NTM: variants seen among roughly 807,000 people sequenced by gnomAD.
NTM encodes neurotrimin.
Under a neutral mutation model 42.1 loss-of-function variants are expected in NTM, and 13 were observed. The ratio of observed to expected loss-of-function variants is 0.31; its 90% CI spans 0.20 to 0.49. NTM has a LOEUF of 0.49. NTM is among the 20% of genes least tolerant of loss of function. The probability of loss-of-function intolerance (pLI) is 0.99; values close to 1 mark genes in which losing one functional copy is unlikely to be tolerated. For missense variants in NTM, 373 were observed against 452.8 expected (o/e 0.82, Z 1.60); for synonymous variants, 187 against 179.2 (o/e 1.04, Z -0.35).
At chr11:131,502,274 C>CGA (rs1491158026) in intron 1 of NTM, among the ~76,000 whole-genome samples, 15 of 151,754 alleles carry the variant, frequency 9.9e-5, no homozygotes, top group East Asian at 7.8e-4. Flanking sequence ...GAAGGAGCCT[C>CGA]GAGAGAGAGA....
At chr11:131,687,231 G>T (rs1592554076) in intron 1 of NTM, among the ~76,000 whole-genome samples, 1 of 152,226 alleles carries the variant, frequency 6.6e-6, no homozygotes, top group Admixed American at 6.5e-5. Flanking sequence ...TGCATGAAAC[G>T]TGACAACACC....
At chr11:131,806,456 C>A (rs946306312) in intron 1 of NTM, among the ~76,000 whole-genome samples, 6 of 152,048 alleles carry the variant, frequency 3.9e-5, no homozygotes, top group African/African-American at 1.2e-4. Context: ...TCCCTGAAGC[C>A]TAGTAGAGTG....
chr11:131,574,925 G>C (rs1223669991), intron 1 of NTM, among the ~76,000 whole-genome samples: 1 of 152,066 alleles, frequency 6.6e-6, no homozygotes, highest in Non-Finnish European at 1.5e-5. Context: ...CAATCCTCCT[G>C]ATTTGCTTCT....
intron 6 of NTM, chr11:132,312,873 C>A (rs1478087847): frequency 6.5e-6 from 1 of 153,032 alleles, no homozygotes; most frequent in Non-Finnish European, 1.5e-5. Flanking sequence ...CAGCCGGATG[C>A]CTCATTCCAT....
chr11:131,755,678 G>A (rs1407714886), intron 1 of NTM, among the ~76,000 whole-genome samples: 1 of 152,138 alleles, frequency 6.6e-6, no homozygotes, highest in Non-Finnish European at 1.5e-5. Context: ...TTCATGTGTG[G>A]AAGGATTTTC....
intron 1 of NTM, among the ~76,000 whole-genome samples, chr11:131,583,553 T>C (rs2058601775): frequency 6.6e-6 from 1 of 152,184 alleles, no homozygotes; most frequent in South Asian, 2.1e-4. Context: ...TAATCGCGCC[T>C]TACCTTCAGA....
At chr11:131,556,109 C>T (rs755193653) in intron 1 of NTM, among the ~76,000 whole-genome samples, 3 of 151,896 alleles carry the variant, frequency 2.0e-5, no homozygotes, top group South Asian at 2.1e-4. Context: ...CCCTTGGAAC[C>T]GAAGACAGAC....
intron 1 of NTM, among the ~76,000 whole-genome samples, chr11:131,433,118 A>G (rs940953529): frequency 6.6e-6 from 1 of 151,902 alleles, no homozygotes; most frequent in African/African-American, 2.4e-5. Flanking sequence ...CGGCCTCCCA[A>G]AGTGCTGGGA....
At chr11:132,009,167 C>A (rs1445174806) in intron 2 of NTM, among the ~76,000 whole-genome samples, 1 of 152,214 alleles carries the variant, frequency 6.6e-6, no homozygotes, top group Non-Finnish European at 1.5e-5. Context: ...CAATTGGAAA[C>A]CTGCTTTTCT....
chr11:131,952,604 CTG>C (rs1486073391), intron 2 of NTM, among the ~76,000 whole-genome samples: 2 of 152,168 alleles, frequency 1.3e-5, no homozygotes, highest in Non-Finnish European at 2.9e-5. Flanking sequence ...TTTCTATCAA[CTG>C]TGGATACGCA....
chr11:131,843,219 T>C (rs2044494827), intron 1 of NTM, among the ~76,000 whole-genome samples: 1 of 152,146 alleles, frequency 6.6e-6, no homozygotes, highest in South Asian at 2.1e-4. Context: ...TGTTTATTCT[T>C]CTCTAAATCC....
At chr11:131,667,885 C>T (rs2069362322) in intron 1 of NTM, among the ~76,000 whole-genome samples, 1 of 152,220 alleles carries the variant, frequency 6.6e-6, no homozygotes. Flanking sequence ...TGCCTGGAGA[C>T]ACCCTCTCTT....
chr11:131,934,118 C>T (rs185571800), intron 2 of NTM, among the ~76,000 whole-genome samples: 4 of 152,120 alleles, frequency 2.6e-5, no homozygotes, highest in East Asian at 1.9e-4. Context: ...ACCATGTGCA[C>T]GGGGTATACA....
chr11:132,310,774 T>G (rs2095256679), intron 6 of NTM, among the ~76,000 whole-genome samples: 1 of 152,166 alleles, frequency 6.6e-6, no homozygotes, highest in South Asian at 2.1e-4. Context: ...GAAGGGACTA[T>G]TCCCTTCCTT....
At chr11:131,805,647 A>G (rs986059021) in intron 1 of NTM, among the ~76,000 whole-genome samples, 9 of 152,220 alleles carry the variant, frequency 5.9e-5, no homozygotes, top group Non-Finnish European at 1.0e-4. Context: ...ATGATCAATA[A>G]TGTTAATTCA....
chr11:131,857,563 C>T (rs537034156), intron 1 of NTM, among the ~76,000 whole-genome samples: 4 of 152,274 alleles, frequency 2.6e-5, no homozygotes, highest in African/African-American at 7.2e-5. Flanking sequence ...CGTGTTCACA[C>T]GTCTTTTCCT....
intron 1 of NTM, among the ~76,000 whole-genome samples, chr11:131,585,780 TTC>T (rs1376679445): frequency 6.6e-6 from 1 of 152,188 alleles, no homozygotes; most frequent in African/African-American, 2.4e-5. Flanking sequence ...TATTTTTTGC[TTC>T]TCTGTTTCAG....
chr11:131,673,583 A>C (rs928569016), intron 1 of NTM, among the ~76,000 whole-genome samples: 1 of 152,218 alleles, frequency 6.6e-6, no homozygotes, highest in African/African-American at 2.4e-5. Context: ...GACGTGATAC[A>C]GTTAGCGGGT....
intron 2 of NTM, among the ~76,000 whole-genome samples, chr11:131,984,060 CA>C (rs1565882760): frequency 6.6e-6 from 1 of 152,164 alleles, no homozygotes; most frequent in Non-Finnish European, 1.5e-5. Flanking sequence ...AAAATAGACA[CA>C]GATTTTGGTG....
Sources: allele counts gnomAD v4.1 joint callset (sites outside exome capture counted in the v4.1 genomes callset), GRCh38; gene constraint gnomAD v4.1.1; transcripts MANE v1.5; gene names NCBI Gene and HGNC (gene_info 2026-07-23, HGNC 2026-07-21).